The following CFAP299 variants were observed in gnomAD, a reference collection of about 807,000 sequenced individuals.
The protein encoded by CFAP299 is cilia- and flagella-associated protein 299.
CFAP299 carries 21 observed loss-of-function variants against 27.0 expected under a neutral mutation model. That is an observed-to-expected ratio of 0.78 (90% CI 0.55 to 1.12). CFAP299 has a LOEUF of 1.12. Ranked by LOEUF, CFAP299 falls within the 50% of genes most tolerant of loss-of-function variation. The probability of loss-of-function intolerance (pLI) is 0.00; values close to 1 mark genes in which losing one functional copy is unlikely to be tolerated. For synonymous variants in CFAP299, 104 were observed against 98.1 expected (o/e 1.06, Z -0.36); for missense variants, 310 against 276.6 (o/e 1.12, Z -0.86).
intron 4 of CFAP299, among the ~76,000 whole-genome samples, chr4:80,903,315 A>T (rs980578341): frequency 6.6e-6 from 1 of 152,256 alleles, no homozygotes; most frequent in South Asian, 2.1e-4. Context: ...ATTCCAGATA[A>T]ATTGGGGAAG....
intron 4 of CFAP299, among the ~76,000 whole-genome samples, chr4:80,880,490 G>A (rs1733638337): frequency 6.6e-6 from 1 of 152,084 alleles, no homozygotes; most frequent in South Asian, 2.1e-4. Flanking sequence ...CCAGCACTTT[G>A]GGAGGCCGAG....
intron 5 of CFAP299, among the ~76,000 whole-genome samples, chr4:80,958,744 T>C (rs1738188101): frequency 6.6e-6 from 1 of 152,208 alleles, no homozygotes; most frequent in Non-Finnish European, 1.5e-5. Flanking sequence ...TGCTTTGGCC[T>C]ACAGTGGGTC....
intron 3 of CFAP299, among the ~76,000 whole-genome samples, chr4:80,645,878 G>T (rs1739984444): frequency 6.6e-6 from 1 of 152,122 alleles, no homozygotes; most frequent in Non-Finnish European, 1.5e-5. Flanking sequence ...AGGTAAAATT[G>T]GGAAAAGTGA....
At chr4:80,560,924 C>T (rs1735010409) in intron 2 of CFAP299, among the ~76,000 whole-genome samples, 1 of 152,138 alleles carries the variant, frequency 6.6e-6, no homozygotes, top group African/African-American at 2.4e-5. Context: ...ACCTGTCTGG[C>T]TTTGCCACTG....
intron 4 of CFAP299, among the ~76,000 whole-genome samples, chr4:80,909,679 A>G (rs1321073867): frequency 6.6e-6 from 1 of 151,904 alleles, no homozygotes; most frequent in Non-Finnish European, 1.5e-5. Context: ...TTTAAACGGG[A>G]TAAGAATTTA....
chr4:80,357,712 T>C (rs1319773390), intron 1 of CFAP299, among the ~76,000 whole-genome samples: 1 of 152,122 alleles, frequency 6.6e-6, no homozygotes, highest in African/African-American at 2.4e-5. Context: ...TGTGTTTATT[T>C]GAACCTTCTC....
intron 3 of CFAP299, among the ~76,000 whole-genome samples, chr4:80,855,650 T>C (rs1731819458): frequency 6.6e-6 from 1 of 152,292 alleles, no homozygotes; most frequent in East Asian, 1.9e-4. Context: ...AGTGAGAATA[T>C]GCGGTGTTTA....
At chr4:80,364,226 A>C (rs1578357940) in intron 2 of CFAP299, among the ~76,000 whole-genome samples, 1 of 151,852 alleles carries the variant, frequency 6.6e-6, no homozygotes, top group East Asian at 1.9e-4. Flanking sequence ...TCTTGTCTTG[A>C]GGTTCTGAGG....
intron 3 of CFAP299, among the ~76,000 whole-genome samples, chr4:80,857,392 T>C (rs1359323550): frequency 6.6e-6 from 1 of 152,170 alleles, no homozygotes; most frequent in African/African-American, 2.4e-5. Context: ...TTGAATACCC[T>C]TTATTTCCTT....
intron 2 of CFAP299, among the ~76,000 whole-genome samples, chr4:80,559,964 G>A (rs984167089): frequency 6.6e-6 from 1 of 152,080 alleles, no homozygotes; most frequent in South Asian, 2.1e-4. Context: ...GTGGACTAAG[G>A]GATCACATAA....
In CFAP299 at chr4:80,671,493, G is replaced by A. The variant is rs188199150; in HGVS notation, c.333+88310G>A. On this transcript the variant is annotated intron_variant, in intron 3 of 5. Coordinates refer to ENST00000358105, the MANE Select transcript of CFAP299 (RefSeq NM_152770.3). ...GCAATGCGGGCTCTTTTGTGGTTCC[G>A]TATGAACTTTAAAGTAGTTTTTTTC... Among the ~76,000 whole-genome samples the A allele has an allele frequency of 5.7e-4, 87 of 152,134 alleles. 1 individual carries two copies. In the East Asian group the frequency reaches 0.013, roughly 22 times the overall value.
chr4:80,729,936 C>T (rs1723409500), intron 3 of CFAP299, among the ~76,000 whole-genome samples: 1 of 152,020 alleles, frequency 6.6e-6, no homozygotes, highest in Non-Finnish European at 1.5e-5. Flanking sequence ...TTTACCTTGA[C>T]ACAGTTTCCA....
At chr4:80,864,444 AT>A (rs1396830771) in intron 3 of CFAP299, among the ~76,000 whole-genome samples, 2 of 146,534 alleles carry the variant, frequency 1.4e-5, no homozygotes, top group Non-Finnish European at 3.0e-5. Flanking sequence ...ATATATATAT[AT>A]ATACCTATAT....
Position 80,693,114 on chromosome 4 carries a change from C to T in CFAP299, c.333+109931C>T, listed in dbSNP as rs562730939. 4.3e-4 allele frequency among the ~76,000 whole-genome samples: 65 copies of T among 152,352 alleles called. 1 individual carries two copies. Among genetic ancestry groups the T allele is most frequent in the African/African-American group, 1.5e-3 (61 of 41,584 alleles). ...CTGTTGGTGGGACTGTAAACTAGTTCAACCACTGTGGAAGTCAGTGTGGGC... is the reference window on the plus strand; with the variant it reads ...CTGTTGGTGGGACTGTAAACTAGTTTAACCACTGTGGAAGTCAGTGTGGGC... On this transcript the variant is annotated intron_variant, in intron 3 of 5. Transcript: ENST00000358105.
intron 1 of CFAP299, among the ~76,000 whole-genome samples, chr4:80,338,469 T>G (rs1722273424): frequency 6.6e-6 from 1 of 152,214 alleles, no homozygotes; most frequent in Non-Finnish European, 1.5e-5. Context: ...TCACAAGATT[T>G]TTTTTTGGTT....
chr4:80,462,629 T>G (rs1426905060), intron 2 of CFAP299, among the ~76,000 whole-genome samples: 1 of 152,164 alleles, frequency 6.6e-6, no homozygotes, highest in African/African-American at 2.4e-5. Context: ...CTTTCTTATG[T>G]CTTCATAGAT....
At chr4:80,921,090 T>C (rs971412926) in intron 4 of CFAP299, among the ~76,000 whole-genome samples, 1 of 152,068 alleles carries the variant, frequency 6.6e-6, no homozygotes, top group Non-Finnish European at 1.5e-5. Flanking sequence ...CCAGTTCTCA[T>C]ATTCTTAATC....
At chr4:80,607,363 G>T (rs1737734188) in intron 3 of CFAP299, among the ~76,000 whole-genome samples, 1 of 151,958 alleles carries the variant, frequency 6.6e-6, no homozygotes. Context: ...ACTTCATAAG[G>T]ATATCGAGAT....
chr4:80,517,676 A>G (rs1361474376), intron 2 of CFAP299, among the ~76,000 whole-genome samples: 1 of 152,222 alleles, frequency 6.6e-6, no homozygotes, highest in African/African-American at 2.4e-5. Context: ...CTAGACAGCC[A>G]TGAGTGAGCT....
Sources: allele counts gnomAD v4.1 joint callset (sites outside exome capture counted in the v4.1 genomes callset), GRCh38; gene constraint gnomAD v4.1.1; transcripts MANE v1.5; gene names NCBI Gene and HGNC (gene_info 2026-07-23, HGNC 2026-07-21).